TESK2: variants seen among roughly 807,000 people sequenced by gnomAD.
TESK2 encodes the protein dual specificity testis-specific protein kinase 2.
A neutral mutation model predicts 57.1 loss-of-function variants in TESK2; 39 were observed. That is an observed-to-expected ratio of 0.68 (90% CI 0.53 to 0.89). The LOEUF (loss-of-function observed/expected upper bound fraction) is 0.89. TESK2 is among the 40% of genes least tolerant of loss of function. The pLI is 0.00. For missense variants in TESK2, 646 were observed against 732.1 expected, an observed-to-expected ratio of 0.88 and a Z score of 1.36; for synonymous variants, 249 against 267.9, an observed-to-expected ratio of 0.93 and a Z score of 0.69.
chr1:45,384,535 C>A (rs774408840), intron 4 of TESK2, among the ~76,000 whole-genome samples: 1 of 151,342 alleles, frequency 6.6e-6, no homozygotes, highest in Admixed American at 6.6e-5. Context: ...TCTTGCTGCC[C>A]CAGACTCCTG....
intron 1 of TESK2, among the ~76,000 whole-genome samples, chr1:45,486,204 A>G (rs1248674867): frequency 1.3e-5 from 2 of 152,184 alleles, no homozygotes; most frequent in African/African-American, 4.8e-5. Context: ...AACATTCACC[A>G]TCACCCACAC....
intron 4 of TESK2, among the ~76,000 whole-genome samples, chr1:45,357,163 T>C (rs1647461275): frequency 6.6e-6 from 1 of 151,810 alleles, no homozygotes; most frequent in Non-Finnish European, 1.5e-5. Flanking sequence ...GCCATTGCAC[T>C]CCAGCCTGGG....
chr1:45,393,050 T>C (rs1649212539), intron 3 of TESK2, among the ~76,000 whole-genome samples: 1 of 152,200 alleles, frequency 6.6e-6, no homozygotes, highest in South Asian at 2.1e-4. Flanking sequence ...TTGATTTTCT[T>C]TAATCAAATA....
chr1:45,473,909 C>T (rs777297112), intron 1 of TESK2, among the ~76,000 whole-genome samples: 3 of 151,832 alleles, frequency 2.0e-5, no homozygotes, highest in Non-Finnish European at 2.9e-5. Context: ...ACAATCCTCC[C>T]GCCTCAGCCC....
intron 2 of TESK2, among the ~76,000 whole-genome samples, chr1:45,449,734 G>C (rs1447460351): frequency 6.6e-6 from 1 of 152,174 alleles, no homozygotes; most frequent in Non-Finnish European, 1.5e-5. Flanking sequence ...TTTCAAAATA[G>C]TGAAAGTGTT....
At chr1:45,385,736 A>ATATATATATATATATATATATAT (rs1557552020) in intron 4 of TESK2, among the ~76,000 whole-genome samples, 176 bp downstream of exon 4, 50 of 149,220 alleles carry the variant, frequency 3.4e-4, no homozygotes, top group African/African-American at 1.1e-3. Flanking sequence ...ATATATATAT[A>ATATATATATATATATATATATAT]AAGAAATACT....
At chr1:45,364,436 G>A (rs1014105807) in intron 4 of TESK2, among the ~76,000 whole-genome samples, 2 of 152,170 alleles carry the variant, frequency 1.3e-5, no homozygotes, top group African/African-American at 2.4e-5. Flanking sequence ...CTAGGAAAAG[G>A]CAAGAAGGAT....
intron 3 of TESK2, among the ~76,000 whole-genome samples, chr1:45,408,727 T>C (rs141551438): frequency 6.6e-6 from 1 of 152,294 alleles, no homozygotes; most frequent in African/African-American, 2.4e-5. Flanking sequence ...GAGGGTAGGA[T>C]AGGAATGATT....
chr1:45,460,563 C>T (rs923442767), intron 1 of TESK2, among the ~76,000 whole-genome samples: 2 of 151,920 alleles, frequency 1.3e-5, no homozygotes, highest in East Asian at 1.9e-4. Context: ...AAAATAGGGT[C>T]GGGTGCAGGG....
intron 4 of TESK2, chr1:45,385,332 G>A (rs1051823236): frequency 2.0e-6 from 2 of 985,298 alleles, no homozygotes; most frequent in Non-Finnish European, 2.4e-6. Flanking sequence ...ATCCTCGGAG[G>A]ATGAATAATG....
At chr1:45,385,665 T>G (rs1221206177) in intron 4 of TESK2, among the ~76,000 whole-genome samples, 3 of 150,458 alleles carry the variant, frequency 2.0e-5, no homozygotes, top group Non-Finnish European at 4.4e-5. Context: ...ATACTGCCCA[T>G]TCTGCACATG....
At chr1:45,370,369 C>A (rs979465062) in intron 4 of TESK2, among the ~76,000 whole-genome samples, 1 of 152,150 alleles carries the variant, frequency 6.6e-6, no homozygotes, top group Non-Finnish European at 1.5e-5. Context: ...CCAGGAAATG[C>A]CATTGATTGT....
intron 4 of TESK2, among the ~76,000 whole-genome samples, chr1:45,360,423 G>A (rs1647636474): frequency 6.6e-6 from 1 of 152,100 alleles, no homozygotes; most frequent in South Asian, 2.1e-4. Context: ...ACACTATAAT[G>A]AAAAGACTGT....
At position 45,393,522 on chromosome 1, in the gene TESK2, C is replaced by T. The variant is rs183259330; in HGVS notation, c.345-7562G>A. ...CTTTGGGAGGCCAAGGTGGGAGGATCACGAGGTCAAGAGATCAAGACCATC... is the reference window on the plus strand; with the variant it reads ...CTTTGGGAGGCCAAGGTGGGAGGATTACGAGGTCAAGAGATCAAGACCATC... On this transcript the variant is annotated intron_variant, in intron 3 of 10. Transcript: ENST00000372086. Among the ~76,000 whole-genome samples, 27 of 152,188 alleles carry T rather than the reference C, an allele frequency of 1.8e-4. No individual in the cohort carries two copies. The East Asian group carries it at 4.4e-3, about 25-fold the overall frequency.
In TESK2 at chr1:45,369,407, C is replaced by T. The variant is rs562809057; in HGVS notation, c.394-13958G>A. 1.5e-4 allele frequency among the ~76,000 whole-genome samples: 23 copies of T among 152,156 alleles called. No individual in the cohort carries two copies. In the South Asian group the frequency reaches 4.6e-3, roughly 30 times the overall value. ...TCCCAGGAGGCTGAGGCAGGAGAAT[C>T]ACTTGAAACCAGAAGGTGGAGGTTG... is the stretch of plus-strand genomic sequence containing the variant. On this transcript the variant is annotated intron_variant, in intron 4 of 10. Coordinates refer to ENST00000372086, the MANE Select transcript of TESK2 (RefSeq NM_007170.3).
At chr1:45,418,813 A>T (rs1206351096) in intron 3 of TESK2, among the ~76,000 whole-genome samples, 1 of 152,094 alleles carries the variant, frequency 6.6e-6, no homozygotes, top group Non-Finnish European at 1.5e-5. Context: ...TATCTTCTAA[A>T]ATCCTTTTAA....
At chr1:45,395,704 TCAAA>T (rs1007063705) in intron 3 of TESK2, among the ~76,000 whole-genome samples, 2 of 151,672 alleles carry the variant, frequency 1.3e-5, no homozygotes, top group African/African-American at 4.9e-5. Context: ...ACTCCTGGGC[TCAAA>T]CAATCTTTCT....
intron 2 of TESK2, among the ~76,000 whole-genome samples, chr1:45,455,799 T>C (rs949301280): frequency 2.0e-5 from 3 of 151,930 alleles, no homozygotes; most frequent in African/African-American, 4.8e-5. Context: ...GAAAGACACA[T>C]TAGAAAGAAA....
At chr1:45,385,681 C>T (rs1648860155) in intron 4 of TESK2, among the ~76,000 whole-genome samples, 1 of 146,078 alleles carries the variant, frequency 6.8e-6, no homozygotes, top group African/African-American at 2.7e-5. Flanking sequence ...ACATGTACCC[C>T]AGAACTTAAA....
Sources: allele counts gnomAD v4.1 joint callset (sites outside exome capture counted in the v4.1 genomes callset), GRCh38; gene constraint gnomAD v4.1.1; transcripts MANE v1.5; gene names NCBI Gene and HGNC (gene_info 2026-07-23, HGNC 2026-07-21).